PLXDC2: variants seen among roughly 807,000 people sequenced by gnomAD.
PLXDC2 encodes the protein plexin domain-containing protein 2.
Under a neutral mutation model 68.9 loss-of-function variants are expected in PLXDC2, and 40 were observed. That is an observed-to-expected ratio of 0.58 (90% CI 0.45 to 0.76). The LOEUF (loss-of-function observed/expected upper bound fraction) is 0.76, where lower values mean the gene tolerates loss of function less well. PLXDC2 is among the 30% of genes least tolerant of loss of function. PLXDC2 has a pLI of 0.00. For synonymous variants in PLXDC2, 243 were observed against 234.2 expected (o/e 1.04, Z -0.34); for missense variants, 644 against 661.9 (o/e 0.97, Z 0.30).
chr10:20,206,881 C>T (rs1408474764), intron 9 of PLXDC2, among the ~76,000 whole-genome samples: 3 of 144,024 alleles, frequency 2.1e-5, no homozygotes, highest in Non-Finnish European at 4.7e-5. Context: ...CACAGACACA[C>T]ACACACACAG....
chr10:20,186,532 C>G (rs1371507426), intron 9 of PLXDC2, among the ~76,000 whole-genome samples: 1 of 151,770 alleles, frequency 6.6e-6, no homozygotes, highest in Non-Finnish European at 1.5e-5. Flanking sequence ...GCCTACCAAC[C>G]AATAGTTACT....
chr10:20,057,605 G>C (rs12260398), intron 3 of PLXDC2, among the ~76,000 whole-genome samples: 13,409 of 151,958 alleles, frequency 0.088, 1,260 homozygotes, highest in African/African-American at 0.24. Context: ...CATTTTGCTG[G>C]AGGTGCTCTG....
At chr10:20,192,906 C>A (rs1240998090) in intron 9 of PLXDC2, among the ~76,000 whole-genome samples, 6 of 151,986 alleles carry the variant, frequency 3.9e-5, no homozygotes. Flanking sequence ...TATAAAGAGA[C>A]CAATGTTGTC....
chr10:20,105,605 G>A (rs1264204962), intron 4 of PLXDC2, among the ~76,000 whole-genome samples: 1 of 152,204 alleles, frequency 6.6e-6, no homozygotes, highest in African/African-American at 2.4e-5. Context: ...TCACAAAGTG[G>A]ATTGTCAAGA....
intron 4 of PLXDC2, among the ~76,000 whole-genome samples, chr10:20,132,798 T>G (rs536529076): frequency 6.6e-6 from 1 of 152,210 alleles, no homozygotes. Context: ...TCAACCACTA[T>G]ATGTCTTTTG....
At chr10:19,951,126 C>CA (rs1255142891) in intron 1 of PLXDC2, among the ~76,000 whole-genome samples, 3 of 151,772 alleles carry the variant, frequency 2.0e-5, no homozygotes, top group African/African-American at 2.4e-5. Context: ...GCAATTGCAA[C>CA]AAAAAAATCA....
chr10:19,831,393 G>C (rs978374583), intron 1 of PLXDC2, among the ~76,000 whole-genome samples: 1 of 152,046 alleles, frequency 6.6e-6, no homozygotes, highest in Admixed American at 6.6e-5. Context: ...TTTCTAGGCA[G>C]TGGGAAACCA....
chr10:20,283,661 A>G lies in PLXDC2; in HGVS notation c.*3842A>G, dbSNP rs1159462760. 1.3e-5 allele frequency: 2 copies of G among 152,328 alleles called. No individual in the cohort carries two copies. Among genetic ancestry groups the G allele is most frequent in the East Asian group, 1.9e-4 (1 of 5,176 alleles). The allele number at this position is 152,328 out of a possible 1,614,324, so 9.4% of individuals were successfully genotyped here. ...CAACATTGCCTATGAACATCCTTCA[A>G]CTGGCTCAGTTCTTTATTGCATAGA... On this transcript the variant is annotated 3_prime_UTR_variant, in exon 14 of 14. Transcript: ENST00000377252.
intron 4 of PLXDC2, among the ~76,000 whole-genome samples, chr10:20,101,103 G>A (rs1403852916): frequency 6.6e-6 from 1 of 152,126 alleles, no homozygotes; most frequent in African/African-American, 2.4e-5. Context: ...AGGAAAAATT[G>A]TGACAGAGAT....
At chr10:20,114,344 A>G (rs559536607) in intron 4 of PLXDC2, among the ~76,000 whole-genome samples, 3 of 152,302 alleles carry the variant, frequency 2.0e-5, no homozygotes, top group African/African-American at 7.2e-5. Flanking sequence ...TTTAGCCCTA[A>G]TGCCCAGCAC....
chr10:20,177,242 C>A, intron 8 of PLXDC2, 86 bp from the exon 9 acceptor site: 2 of 1,335,972 alleles, frequency 1.5e-6, no homozygotes, highest in Admixed American at 3.4e-5. Flanking sequence ...GATTAGGGGG[C>A]AGTGATTTTT....
At chr10:20,189,503 A>ATATATG in intron 9 of PLXDC2, among the ~76,000 whole-genome samples, 1 of 122,458 alleles carries the variant, frequency 8.2e-6, no homozygotes, top group Non-Finnish European at 1.7e-5. Context: ...ATATATATAT[A>ATATATG]TACACATACA....
At chr10:20,077,088 A>G (rs1355099066) in intron 4 of PLXDC2, among the ~76,000 whole-genome samples, 3 of 150,370 alleles carry the variant, frequency 2.0e-5, no homozygotes, top group Admixed American at 6.6e-5. Flanking sequence ...TCATCAAAGC[A>G]TAAAGATAAT....
chr10:20,122,795 G>T (rs1463111659), intron 4 of PLXDC2, among the ~76,000 whole-genome samples: 1 of 152,136 alleles, frequency 6.6e-6, no homozygotes, highest in African/African-American at 2.4e-5. Flanking sequence ...AAATCCTGTT[G>T]TGGGGTTTGA....
At chr10:20,040,730 G>A (rs1174034346) in intron 2 of PLXDC2, among the ~76,000 whole-genome samples, 1 of 151,892 alleles carries the variant, frequency 6.6e-6, no homozygotes, top group Non-Finnish European at 1.5e-5. Flanking sequence ...GAATTTGGAA[G>A]GGAGAAATAA....
At chr10:19,888,861 C>T (rs1338205572) in intron 1 of PLXDC2, among the ~76,000 whole-genome samples, 1 of 152,054 alleles carries the variant, frequency 6.6e-6, no homozygotes, top group Admixed American at 6.5e-5. Context: ...GATGTATTAT[C>T]TGAGTATATA....
intron 1 of PLXDC2, among the ~76,000 whole-genome samples, chr10:19,909,442 A>G (rs956824859): frequency 1.3e-5 from 2 of 152,210 alleles, no homozygotes; most frequent in African/African-American, 4.8e-5. Flanking sequence ...GGCTTTTAAA[A>G]GCCAGCATAT....
At position 19,964,881 on chromosome 10, in the gene PLXDC2, C is replaced by T. The variant is rs117461723; in HGVS notation, c.113-36894C>T. On this transcript the variant is annotated intron_variant, in intron 1 of 13. Transcript: ENST00000377252. The stretch of plus-strand genomic sequence containing the variant: ...GATCTCCCTCTGGGAGCAACCCAGG[C>T]TTCTGTTGCAACCACTTTGCAATTA... Among the ~76,000 whole-genome samples the T allele has an allele frequency of 4.9e-3, 739 of 152,276 alleles. 3 individuals carry two copies. The highest frequency in any genetic ancestry group is 0.014 in the Middle Eastern group (4 of 294).
rs1834964898 is a variant in PLXDC2 at position 20,204,570 on chromosome 10, A to C, written c.1062-7099A>C. Among the ~76,000 whole-genome samples, 5 of 152,170 alleles carry C rather than the reference A, an allele frequency of 3.3e-5. No individual in the cohort carries two copies. The South Asian group carries it at 1.0e-3, about 32-fold the overall frequency. Reference sequence around the variant, plus strand: ...ACCCTAAGGCTAAAAGGATCATATAAATCACCAGATAATTCGATGTAATAT... The same window carrying C: ...ACCCTAAGGCTAAAAGGATCATATACATCACCAGATAATTCGATGTAATAT... On this transcript the variant is annotated intron_variant, in intron 9 of 13. Transcript: ENST00000377252.
Sources: gnomAD v4.1 joint callset for allele counts (sites outside exome capture counted in the v4.1 genomes callset) on GRCh38, gnomAD v4.1.1 for gene constraint, MANE v1.5 for transcripts, NCBI Gene and HGNC (gene_info 2026-07-23, HGNC 2026-07-21) for gene names.